Variants in ZYG11B observed in about 807,000 individuals in gnomAD.
ZYG11B encodes the protein protein zyg-11 homolog B.
ZYG11B carries 36 observed loss-of-function variants against 82.4 expected under a neutral mutation model. The ratio of observed to expected loss-of-function variants is 0.44; its 90% confidence interval spans 0.33 to 0.58. ZYG11B has a LOEUF of 0.58. ZYG11B is among the 20% of genes least tolerant of loss of function. The pLI is 0.02. For synonymous variants in ZYG11B, 303 were observed against 312.8 expected, an observed-to-expected ratio of 0.97 and a Z score of 0.33; for missense variants, 552 against 895.6, an observed-to-expected ratio of 0.62 and a Z score of 4.90.
intron 1 of ZYG11B, among the ~76,000 whole-genome samples, chr1:52,729,970 G>T (rs1160528162): frequency 2.0e-5 from 3 of 152,012 alleles, no homozygotes; most frequent in Non-Finnish European, 4.4e-5. Context: ...ATCACACCTG[G>T]CTAATTTTTA....
At chr1:52,803,249 C>CAT (rs202177836) in intron 10 of ZYG11B, among the ~76,000 whole-genome samples, 578 of 44,372 alleles carry the variant, frequency 0.013, 40 homozygotes, top group Non-Finnish European at 0.016. Context: ...TACACACACA[C>CAT]ATATATATAT....
intron 13 of ZYG11B, among the ~76,000 whole-genome samples, chr1:52,817,791 A>G (rs796864877): frequency 0.028 from 1,070 of 37,778 alleles, 43 homozygotes; most frequent in African/African-American, 0.077. Context: ...ATATATATAT[A>G]TATATATATA....
At chr1:52,808,361 T>C (rs1241508875) in intron 10 of ZYG11B, among the ~76,000 whole-genome samples, 1 of 152,082 alleles carries the variant, frequency 6.6e-6, no homozygotes, top group African/African-American at 2.4e-5. Flanking sequence ...CGAAACTCCA[T>C]CTCAAAAAAA....
chr1:52,753,787 A>G (rs4926575), intron 1 of ZYG11B, among the ~76,000 whole-genome samples: 15,988 of 151,400 alleles, frequency 0.11, 1,876 homozygotes, highest in East Asian at 0.35. Context: ...GTAGAGATGG[A>G]GTTTCTCCAT....
At chr1:52,754,856 A>G (rs1366943764) in intron 1 of ZYG11B, among the ~76,000 whole-genome samples, 1 of 151,198 alleles carries the variant, frequency 6.6e-6, no homozygotes. Context: ...ACCTTGATCT[A>G]TTTTGTGGTA....
chr1:52,730,891 T>C (rs1644326222), intron 1 of ZYG11B, among the ~76,000 whole-genome samples: 1 of 148,538 alleles, frequency 6.7e-6, no homozygotes, highest in Non-Finnish European at 1.5e-5. Context: ...TGTGGAATAA[T>C]GGAATGGAAT....
chr1:52,752,259 A>G (rs1247896398), intron 1 of ZYG11B, among the ~76,000 whole-genome samples: 1 of 152,110 alleles, frequency 6.6e-6, no homozygotes, highest in East Asian at 1.9e-4. Flanking sequence ...TTACTTTAAT[A>G]CAAAGGATAT....
At chr1:52,796,918 TTA>T (rs1260113693) in intron 8 of ZYG11B, 134 bp downstream of exon 8, 1 of 107,694 alleles carries the variant, frequency 9.3e-6, no homozygotes, top group Non-Finnish European at 1.8e-5. Flanking sequence ...ATATTATATA[TTA>T]TATATAATTA....
intron 3 of ZYG11B, among the ~76,000 whole-genome samples, chr1:52,775,911 A>C (rs1395389713): frequency 6.6e-6 from 1 of 151,520 alleles, no homozygotes; most frequent in African/African-American, 2.4e-5. Flanking sequence ...AGTGTTGTTC[A>C]CTGAATAAAA....
intron 1 of ZYG11B, among the ~76,000 whole-genome samples, chr1:52,753,424 C>G (rs1358400425): frequency 5.8e-5 from 8 of 137,258 alleles, no homozygotes; most frequent in South Asian, 4.5e-4. Context: ...TGTTGTTGTT[C>G]TTTTTTTTTT....
chr1:52,800,606 C>G (rs906600617), intron 8 of ZYG11B, among the ~76,000 whole-genome samples: 3 of 151,886 alleles, frequency 2.0e-5, no homozygotes, highest in Admixed American at 2.0e-4. Context: ...ATCAGGAGTT[C>G]GAGACCAGTG....
chr1:52,754,897 G>C (rs1644559310), intron 1 of ZYG11B, among the ~76,000 whole-genome samples: 1 of 149,924 alleles, frequency 6.7e-6, no homozygotes, highest in African/African-American at 2.5e-5. Flanking sequence ...ATAGGACTTT[G>C]TCTTTATTCT....
intron 1 of ZYG11B, among the ~76,000 whole-genome samples, chr1:52,752,456 T>C (rs907011481): frequency 7.2e-5 from 11 of 152,320 alleles, no homozygotes; most frequent in Admixed American, 7.2e-4. Flanking sequence ...TTATTACATA[T>C]GCATGATTGA....
rs554511498 is a variant in ZYG11B, at chr1:52,766,887, A to G, written c.197-4133A>G. ...GCTGGGCATGGCAGCGTGTGCCTGT[A>G]GTCCCAGCTACTCCAGAGGCTGAGG... On this transcript the variant is annotated intron_variant, in intron 2 of 13. Transcript: ENST00000294353. 2.4e-3 allele frequency among the ~76,000 whole-genome samples: 370 copies of G among 152,214 alleles called. 3 individuals are homozygous for G. The highest frequency in any genetic ancestry group is 8.5e-3 in the African/African-American group (354 of 41,554).
At chr1:52,738,502 C>A (rs1320121213) in intron 1 of ZYG11B, among the ~76,000 whole-genome samples, 1 of 151,536 alleles carries the variant, frequency 6.6e-6, no homozygotes, top group Non-Finnish European at 1.5e-5. Flanking sequence ...ATATAAAGAT[C>A]TTTTGTTTTT....
chr1:52,802,341 T>TG (rs1491400264), intron 10 of ZYG11B, among the ~76,000 whole-genome samples: 1 of 30,340 alleles, frequency 3.3e-5, no homozygotes, highest in Non-Finnish European at 4.8e-5. Flanking sequence ...TCTTTCTCTC[T>TG]TTTTTTTTTT....
chr1:52,762,978 G>GT (rs370620882), intron 2 of ZYG11B, among the ~76,000 whole-genome samples: 2,517 of 114,428 alleles, frequency 0.022, 144 homozygotes, highest in African/African-American at 0.097. Context: ...TGAGAGATTG[G>GT]GGGGGGGGGG....
intron 1 of ZYG11B, among the ~76,000 whole-genome samples, chr1:52,754,032 CTT>C (rs199603408): frequency 1.4e-5 from 2 of 144,078 alleles, no homozygotes; most frequent in Non-Finnish European, 1.5e-5. Flanking sequence ...CCCCCTTTGC[CTT>C]TTTTTTTTTG....
intron 1 of ZYG11B, among the ~76,000 whole-genome samples, chr1:52,751,280 C>G (rs955777343): frequency 2.0e-5 from 3 of 150,610 alleles, no homozygotes; most frequent in African/African-American, 7.3e-5. Flanking sequence ...CCCACCCTAC[C>G]CATTTATCAG....
Sources: gnomAD v4.1 joint callset for allele counts (sites outside exome capture counted in the v4.1 genomes callset) on GRCh38, gnomAD v4.1.1 for gene constraint, MANE v1.5 for transcripts, NCBI Gene and HGNC (gene_info 2026-07-23, HGNC 2026-07-21) for gene names.